Variants in PDHX observed in about 807,000 individuals in gnomAD.
PDHX encodes pyruvate dehydrogenase complex component X, also known as pyruvate dehydrogenase protein X component, mitochondrial.
PDHX carries 33 observed loss-of-function variants against 55.3 expected under a neutral mutation model. The ratio of observed to expected loss-of-function variants is 0.60; its 90% CI spans 0.45 to 0.80. PDHX has a LOEUF of 0.80. Among genes scored for constraint, PDHX ranks in the 30% least tolerant of loss-of-function variants. The pLI is 0.00. For synonymous variants in PDHX, 226 were observed against 219.4 expected, an observed-to-expected ratio of 1.03 and a Z score of -0.27; for missense variants, 622 against 619.9, an observed-to-expected ratio of 1.00 and a Z score of -0.04.
At chr11:34,951,319 A>C (rs897329495) in intron 3 of PDHX, among the ~76,000 whole-genome samples, 8 of 150,578 alleles carry the variant, frequency 5.3e-5, no homozygotes, top group African/African-American at 2.0e-4. Context: ...TCGGCCTCCC[A>C]AAGTGCTGGG....
intron 3 of PDHX, among the ~76,000 whole-genome samples, chr11:34,953,487 C>G (rs1293955763): frequency 6.6e-6 from 1 of 152,134 alleles, no homozygotes; most frequent in Non-Finnish European, 1.5e-5. Flanking sequence ...CTGCTATCAA[C>G]TCTAATTTTT....
At chr11:34,933,564 G>T (rs961263719) in intron 2 of PDHX, among the ~76,000 whole-genome samples, 1 of 152,178 alleles carries the variant, frequency 6.6e-6, no homozygotes, top group Non-Finnish European at 1.5e-5. Flanking sequence ...GAACGACCCT[G>T]TGATGGTAAA....
At chr11:34,942,066 C>G (rs1011428649) in intron 2 of PDHX, 6 of 152,468 alleles carry the variant, frequency 3.9e-5, no homozygotes, top group African/African-American at 1.4e-4. Context: ...TCTATCCTAG[C>G]TGCTGAGTCT....
chr11:34,970,404 A>G (rs1204142664), intron 7 of PDHX, 118 bp downstream of exon 7: 5 of 844,012 alleles, frequency 5.9e-6, no homozygotes, highest in Non-Finnish European at 9.6e-6. Context: ...CAATTTCATA[A>G]TGTACTTGCA....
At chr11:34,963,102 G>T (rs745393693) in intron 5 of PDHX, among the ~76,000 whole-genome samples, 1 of 151,974 alleles carries the variant, frequency 6.6e-6, no homozygotes, top group Non-Finnish European at 1.5e-5. Flanking sequence ...TATTATTGAG[G>T]ATTTTTGCTT....
chr11:34,928,788 G>A (rs1291290194), intron 1 of PDHX, among the ~76,000 whole-genome samples: 2 of 152,156 alleles, frequency 1.3e-5, no homozygotes, highest in Non-Finnish European at 2.9e-5. Flanking sequence ...GAGAGTATGT[G>A]TGTATGTGTG....
chr11:34,965,057 C>T (rs1004760406), intron 5 of PDHX, among the ~76,000 whole-genome samples: 2 of 152,020 alleles, frequency 1.3e-5, no homozygotes, highest in African/African-American at 4.8e-5. Context: ...GTAAACTTAC[C>T]AGCTTAAAAT....
chr11:34,929,061 A>G (rs1305949531), intron 1 of PDHX, among the ~76,000 whole-genome samples: 1 of 152,188 alleles, frequency 6.6e-6, no homozygotes, highest in African/African-American at 2.4e-5. Context: ...GTCATGGTGG[A>G]CTGGAGTTGG....
chr11:34,966,964 G>C, intron 6 of PDHX, 150 bp downstream of exon 6: 2 of 706,814 alleles, frequency 2.8e-6, no homozygotes, highest in Non-Finnish European at 4.9e-6. Context: ...TGATTCTCCT[G>C]CCTTAGCTTC....
At chr11:34,944,101 A>G (rs1854564944) in intron 2 of PDHX, among the ~76,000 whole-genome samples, 1 of 148,778 alleles carries the variant, frequency 6.7e-6, no homozygotes, top group Non-Finnish European at 1.5e-5. Flanking sequence ...GTGTATATAT[A>G]TATAAAATAT....
intron 3 of PDHX, among the ~76,000 whole-genome samples, chr11:34,954,312 C>T (rs1181362677): frequency 6.6e-6 from 1 of 152,236 alleles, no homozygotes; most frequent in Non-Finnish European, 1.5e-5. Flanking sequence ...AATGAGCCCT[C>T]TCAATTTCTC....
chr11:34,942,037 C>T (rs1183576292), intron 2 of PDHX: 1 of 152,460 alleles, frequency 6.6e-6, no homozygotes, highest in African/African-American at 2.4e-5. Context: ...CATCTGTCAT[C>T]TCACGCTGTC....
rs777713368 is a variant in PDHX, at chr11:34,966,756, C to G, written c.758C>G (p.Pro253Arg). ...TCGCCCCTACAGGCCACAGCTGGAC[C>G]ATCTTATCCCCGGCCTGTGATCCCA... is the stretch of plus-strand genomic sequence containing the variant. ...APSPLQATAG[P>R]SYPRPVIPPV... Residue 253 changes from proline (P) to arginine (R), a missense_variant, in exon 6 of 11, where the codon CCA becomes CGA. Pro to Arg is a moderately radical substitution (Grantham distance 103). Coordinates refer to ENST00000227868, the MANE Select transcript of PDHX (RefSeq NM_003477.3). The G allele has an allele frequency of 3.0e-5, 48 of 1,614,006 alleles. No homozygotes were observed. The highest frequency in any genetic ancestry group is 4.0e-5 in the African/African-American group (3 of 74,934).
chr11:34,916,585 C>T (rs1457269390), upstream of PDHX: 14 of 1,581,726 alleles, frequency 8.9e-6, no homozygotes, highest in African/African-American at 1.7e-4. Flanking sequence ...CGTGGCCAAC[C>T]ATGCGGGAGG....
chr11:34,930,996 TTTG>T (rs1314641829), intron 1 of PDHX, among the ~76,000 whole-genome samples: 3 of 152,190 alleles, frequency 2.0e-5, no homozygotes, highest in Non-Finnish European at 2.9e-5. Flanking sequence ...TTGTTGCTGT[TTTG>T]TTGTTGTTGT....
intron 9 of PDHX, among the ~76,000 whole-genome samples, chr11:34,987,248 G>T (rs373521535): frequency 2.0e-5 from 3 of 152,016 alleles, no homozygotes; most frequent in Admixed American, 6.6e-5. Context: ...GTTTGGTTTG[G>T]TCCTCAAGTA....
At chr11:34,920,654 T>G (rs150856285) in intron 1 of PDHX, among the ~76,000 whole-genome samples, 1 of 152,306 alleles carries the variant, frequency 6.6e-6, no homozygotes, top group African/African-American at 2.4e-5. Context: ...GGTAGGAAAT[T>G]GCTTCCTACT....
Position 34,992,352 on chromosome 11 carries a change from C to G in PDHX, c.1220C>G (p.Pro407Arg), listed in dbSNP as rs1208860231. ...AAAGCAAGAGATGGAAAATTGTTGC[C>G]TGAAGAATACCAAGGAGGATCTTTT... The part of the protein sequence containing the change: ...SKKARDGKLL[P>R]EEYQGGSFSI... The change falls in exon 10 of 11, where the codon CCT (proline) becomes CGT (arginine). Residue 407 changes from proline (P) to arginine (R), a missense_variant. Pro to Arg is a moderately radical substitution (Grantham distance 103). Transcript: ENST00000227868. The G allele has an allele frequency of 1.9e-6, 3 of 1,600,500 alleles. No homozygotes were observed. The East Asian group carries it at 6.7e-5, about 36-fold the overall frequency.
intron 1 of PDHX, among the ~76,000 whole-genome samples, chr11:34,928,196 G>A (rs1313930335): frequency 2.0e-5 from 3 of 152,202 alleles, no homozygotes; most frequent in Admixed American, 6.5e-5. Context: ...GACTTTAAGA[G>A]AATTAAGTTA....
Sources: allele counts gnomAD v4.1 joint callset (sites outside exome capture counted in the v4.1 genomes callset), GRCh38; gene constraint gnomAD v4.1.1; transcripts MANE v1.5; gene names NCBI Gene and HGNC (gene_info 2026-07-23, HGNC 2026-07-21).